Variants in COL1A1 observed in about 807,000 individuals in gnomAD.
COL1A1 encodes the protein collagen alpha-1(I) chain.
A neutral mutation model predicts 195.7 loss-of-function variants in COL1A1; 21 were observed. The observed-to-expected ratio is 0.11, with a 90% CI of 0.08 to 0.15. The LOEUF is 0.15. Ranked by LOEUF, COL1A1 falls within the 10% of genes least tolerant of loss-of-function variation. The pLI, the probability that COL1A1 is intolerant of heterozygous loss-of-function variation, is 1.00. For synonymous variants in COL1A1, 749 were observed against 747.3 expected (o/e 1.00, Z -0.04); for missense variants, 1,365 against 2,051.0 (o/e 0.67, Z 6.46).
rs1907673695 is a variant in COL1A1 at position 50,197,219 on chromosome 17, T to C, written c.711A>G (p.Lys237=). 2 of 1,612,626 alleles carry C rather than the reference T, an allele frequency of 1.2e-6. No homozygotes were observed. Among genetic ancestry groups the C allele is most frequent in the African/African-American group, 2.7e-5 (2 of 74,754 alleles). Residue 237 remains lysine (K), a synonymous_variant, in exon 10 of 51, where the codon AAA becomes AAG. Transcript: ENST00000225964. ...GKNGDDGEAG[K]PGRPGERGPP... ...GCCCACGCTCACCAGGACGACCAGG[T>C]TTTCCAGCTTCCCCCTGAGAGGGAG...
Position 50,199,317 on chromosome 17 carries a change from C to T in COL1A1, c.380G>A (p.Gly127Asp). 1.3e-6 allele frequency: 2 copies of T among 1,552,166 alleles called. No individual in the cohort carries two copies. Among genetic ancestry groups the T allele is most frequent in the Non-Finnish European group, 1.7e-6 (2 of 1,147,464 alleles). The change falls in exon 5 of 51, where the codon GGC (glycine) becomes GAC (aspartate). Residue 127 changes from glycine to aspartate, a missense_variant. By Grantham distance (94) the Gly-to-Asp change is moderately conservative. Transcript: ENST00000225964. ...TGPRGPRGPAGPPGRDGIPGQ... is the reference protein window; with the variant it reads ...TGPRGPRGPADPPGRDGIPGQ... ...AGGGATGCCATCTCGGCCAGGGGGG[C>T]CTGCGGGTCCCTGCAGGGGGAGAGG...
At chr17:50,192,068 C>G in intron 29 of COL1A1, 44 bp from the exon 30 acceptor site, 2 of 1,595,724 alleles carry the variant, frequency 1.3e-6, no homozygotes, top group Non-Finnish European at 1.7e-6. Context: ...CAAAACCCAC[C>G]TGGGGCCACT....
chr17:50,193,354 C>G, intron 25 of COL1A1: 1 of 505,108 alleles, frequency 2.0e-6, no homozygotes, highest in Non-Finnish European at 3.6e-6. Flanking sequence ...ACTGGGGGTG[C>G]CTATCATATC....
chr17:50,190,415 T>C lies in COL1A1; in HGVS notation c.2398-35A>G. 6.3e-7 allele frequency: 1 copy of C among 1,598,202 alleles called. No homozygotes were observed. Among genetic ancestry groups the C allele is most frequent in the Non-Finnish European group, 8.6e-7 (1 of 1,166,524 alleles). On this transcript the variant is annotated intron_variant, in intron 34 of 50. Transcript: ENST00000225964. The surrounding 1 kb of genome is among the most constrained non-coding windows in gnomAD (Gnocchi z 4.7). ...AAGGAGTCAGATTGGAGAGATGCGCTGACAGGAGGGAAGGCGGGGATGCGG... is the reference window on the plus strand; with the variant it reads ...AAGGAGTCAGATTGGAGAGATGCGCCGACAGGAGGGAAGGCGGGGATGCGG...
intron 25 of COL1A1, 25 bp downstream of exon 25, chr17:50,193,918 T>G (rs1253577421): frequency 3.1e-6 from 5 of 1,605,484 alleles, no homozygotes; most frequent in Non-Finnish European, 4.3e-6. Flanking sequence ...CCCTGGCTCT[T>G]CATGGATCCT....
At chr17:50,200,973 C>G (rs1173901086) in intron 1 of COL1A1, among the ~76,000 whole-genome samples, 1 of 152,248 alleles carries the variant, frequency 6.6e-6, no homozygotes, top group African/African-American at 2.4e-5. Flanking sequence ...CGCGGCTGCC[C>G]AGCACCCCCA....
In COL1A1 at chr17:50,194,033, G is replaced by A. The variant is rs755073295; in HGVS notation, c.1677C>T (p.Ala559=). ...GGGGTCCGGGGCGACCATCTTGACC[G>A]GCGGGACCCTAAGGATGGGAGGCAC... ...PDGKTGPPGP[A]GQDGRPGPPG... The change falls in exon 25 of 51, where the codon GCC becomes GCT. Residue 559 remains alanine, a synonymous_variant. Coordinates refer to ENST00000225964, the MANE Select transcript of COL1A1 (RefSeq NM_000088.4). This position sits in a 1 kb window ranked among gnomAD's most constrained non-coding sequence, Gnocchi z 6.8. The A allele has an allele frequency of 1.2e-5, 20 of 1,613,782 alleles. No homozygotes were observed. Among genetic ancestry groups the A allele is most frequent in the African/African-American group, 2.7e-5 (2 of 74,856 alleles).
In COL1A1 at chr17:50,195,554, CG is replaced by C. The variant is rs368754268; in HGVS notation, c.1155+12del. On this transcript the variant is annotated intron_variant, in intron 17 of 50. Coordinates refer to ENST00000225964, the MANE Select transcript of COL1A1 (RefSeq NM_000088.4). The surrounding 1 kb of genome is among the most constrained non-coding windows in gnomAD (Gnocchi z 4.3). ...GAAAGTGGCAAAGGGGACACTGAGT[CG>C]GGGACACTTACAGCAGGGCCAGCAG... 1.5e-5 allele frequency: 25 copies of C among 1,613,982 alleles called. No homozygotes were observed. The African/African-American group carries it at 3.1e-4, about 20-fold the overall frequency.
At position 50,184,192 on chromosome 17, in the gene COL1A1, T is replaced by C. The variant is rs1349817958; in HGVS notation, c.*1310A>G. On this transcript the variant is annotated 3_prime_UTR_variant, in exon 51 of 51. Coordinates refer to ENST00000225964, the MANE Select transcript of COL1A1 (RefSeq NM_000088.4). ...CACATACAAAATAGGTACAGAGTCT[T>C]TTGCTTCCTCCCACCCCTAGGGGGA... 1 of 227,230 alleles carries C rather than the reference T, an allele frequency of 4.4e-6. No individual in the cohort carries two copies. Among genetic ancestry groups the C allele is most frequent in the African/African-American group, 2.2e-5 (1 of 44,960 alleles). The allele number at this position is 227,230 out of a possible 1,614,324, so 14.1% of individuals were successfully genotyped here.
rs754077452 is a variant in COL1A1 at position 50,189,701 on chromosome 17, C to T, written c.2645G>A (p.Arg882Gln). 1.3e-5 allele frequency: 21 copies of T among 1,613,776 alleles called. No homozygotes were observed. The highest frequency in any genetic ancestry group is 1.7e-5 in the Admixed American group (1 of 59,976). The change falls in exon 38 of 51, where the codon CGA becomes CAA. Residue 882 changes from arginine (R) to glutamine (Q), a missense_variant. By Grantham distance (43) the Arg-to-Gln change is conservative. Transcript: ENST00000225964. This position sits in a 1 kb window ranked among gnomAD's most constrained non-coding sequence, Gnocchi z 5.5. Reference protein sequence around the residue: ...GATGFPGAAGRVGPPGPSGNA... With the variant: ...GATGFPGAAGQVGPPGPSGNA... Reference sequence around the variant, plus strand: ...TACAGAGGGGCCAGGAGGACCGACTCGGCCAGCAGCACCAGGGAAACCAGT... The same window carrying T: ...TACAGAGGGGCCAGGAGGACCGACTTGGCCAGCAGCACCAGGGAAACCAGT...
In COL1A1 at chr17:50,185,084, G is replaced by A; in HGVS notation, c.*418C>T. The stretch of plus-strand genomic sequence containing the variant: ...ATACATTGTTTCCTGTGTCTTCTGG[G>A]GAGACAGATTTGGGAAGGAGTGGAG... On this transcript the variant is annotated 3_prime_UTR_variant, in exon 51 of 51. Coordinates refer to ENST00000225964, the MANE Select transcript of COL1A1 (RefSeq NM_000088.4). The A allele has an allele frequency of 7.4e-6, 2 of 271,272 alleles. No individual in the cohort carries two copies. The highest frequency in any genetic ancestry group is 1.4e-5 in the Non-Finnish European group (2 of 142,038). The allele number at this position is 271,272 out of a possible 1,614,324, so 16.8% of individuals were successfully genotyped here.
chr17:50,186,614 A>G lies in COL1A1; in HGVS notation c.3814+26T>C, dbSNP rs553175744. On this transcript the variant is annotated intron_variant, in intron 48 of 50. Transcript: ENST00000225964. The surrounding 1 kb of genome is among the most constrained non-coding windows in gnomAD (Gnocchi z 5.3). The stretch of plus-strand genomic sequence containing the variant: ...CCCTGGCATGGCAGGAGTAGGAGGG[A>G]GGGAGAGGCTAGGGCAGGCCCTCAC... 1.4e-5 allele frequency: 22 copies of G among 1,613,190 alleles called. No individual in the cohort carries two copies. Among genetic ancestry groups the G allele is most frequent in the Non-Finnish European group, 1.8e-5 (21 of 1,179,932 alleles).
In COL1A1 at chr17:50,185,843, CGTT is replaced by C. The variant is rs1906460104; in HGVS notation, c.4180_4182del (p.Asn1394del). On this transcript the variant is annotated inframe_deletion, in exon 50 of 51. Transcript: ENST00000225964. ...TTGCCCTCGGCGCGGATCTCGATCTCGTTGGAGCCCTGGAGGAGCAGGGCCTTC... is the reference window on the plus strand; with the variant it reads ...TTGCCCTCGGCGCGGATCTCGATCTCGGAGCCCTGGAGGAGCAGGGCCTTC... 2 of 1,614,026 alleles carry C rather than the reference CGTT, an allele frequency of 1.2e-6. No homozygotes were observed. Among genetic ancestry groups the C allele is most frequent in the Non-Finnish European group, 1.7e-6 (2 of 1,180,038 alleles).
In COL1A1 at chr17:50,194,197, G is replaced by A. The variant is rs190098788; in HGVS notation, c.1615-14C>T. On this transcript the variant is annotated splice_polypyrimidine_tract_variant and intron_variant, in intron 23 of 50. Coordinates refer to ENST00000225964, the MANE Select transcript of COL1A1 (RefSeq NM_000088.4). The surrounding 1 kb of genome is among the most constrained non-coding windows in gnomAD (Gnocchi z 6.8). The stretch of plus-strand genomic sequence containing the variant: ...TCCAGTCAGACCCTAGGGAGGCAGA[G>A]AGGTATGAGTGGGACTTGGGGAGAA... 163 of 1,613,368 alleles carry A rather than the reference G, an allele frequency of 1.0e-4. No homozygotes were observed. The East Asian group carries it at 3.6e-3, about 35-fold the overall frequency.
Position 50,189,434 on chromosome 17 carries a change from G to A in COL1A1, c.2772C>T (p.Pro924=), listed in dbSNP as rs762864567. Residue 924 remains proline, a synonymous_variant, in exon 39 of 51, where the codon CCC becomes CCT. Transcript: ENST00000225964. The surrounding 1 kb of genome is among the most constrained non-coding windows in gnomAD (Gnocchi z 5.5). The part of the protein sequence containing the change: ...GPAGRPGEVG[P]PGPPGPAGEK... ...CGCCAGCAGGGCCAGGGGGACCAGG[G>A]GGACCAACTTCACCAGGACGTCCAG... 2 of 1,612,790 alleles carry A rather than the reference G, an allele frequency of 1.2e-6. No individual in the cohort carries two copies. Among genetic ancestry groups the A allele is most frequent in the East Asian group, 4.5e-5 (2 of 44,814 alleles).
intron 29 of COL1A1, 170 bp from the exon 30 acceptor site, chr17:50,192,194 T>C: frequency 1.3e-6 from 1 of 786,734 alleles, no homozygotes; most frequent in Non-Finnish European, 2.0e-6. Flanking sequence ...TAGGGATGTG[T>C]CAAAGGCTTC....
Position 50,188,539 on chromosome 17 carries a change from A to T in COL1A1, c.3198T>A (p.Arg1066=). 1 of 1,614,006 alleles carries T rather than the reference A, an allele frequency of 6.2e-7. No homozygotes were observed. Among genetic ancestry groups the T allele is most frequent in the Non-Finnish European group, 8.5e-7 (1 of 1,179,970 alleles). ...GAGCCCAGCTACTTACAGTCTCACC[A>T]CGATCACCACTCTTGCCAGCAGGGC... is the stretch of plus-strand genomic sequence containing the variant. ...PVGPAGKSGD[R]GETGPAGPAG... is the part of the protein sequence containing the mutation. Residue 1066 remains arginine (R), a synonymous_variant, in exon 43 of 51, where the codon CGT becomes CGA. Coordinates refer to ENST00000225964, the MANE Select transcript of COL1A1 (RefSeq NM_000088.4). The surrounding 1 kb of genome is among the most constrained non-coding windows in gnomAD (Gnocchi z 5.6).
At chr17:50,191,660 C>T (rs2075556) in intron 31 of COL1A1, 128 bp downstream of exon 31, 2 of 1,178,836 alleles carry the variant, frequency 1.7e-6, no homozygotes, top group Non-Finnish European at 2.5e-6. Context: ...GGCCCCTGCC[C>T]TGGTCTTTTC....
Position 50,194,796 on chromosome 17 carries a change from A to G in COL1A1, c.1386T>C (p.Pro462=). The G allele has an allele frequency of 6.4e-7, 1 of 1,571,982 alleles. No individual in the cohort carries two copies. The highest frequency in any genetic ancestry group is 8.6e-7 in the Non-Finnish European group (1 of 1,157,820). The change falls in exon 21 of 51, where the codon CCT becomes CCC. Residue 462 remains proline, a synonymous_variant. Coordinates refer to ENST00000225964, the MANE Select transcript of COL1A1 (RefSeq NM_000088.4). This position sits in a 1 kb window ranked among gnomAD's most constrained non-coding sequence, Gnocchi z 6.8. ...GPVGVQGPPG[P]AGEEGKRGAR... The stretch of plus-strand genomic sequence containing the variant: ...CTCCTCGCTTTCCTTCCTCTCCAGC[A>G]GGGCCAGGGGGTCCTTGAACACCAA...
Sources: allele counts gnomAD v4.1 joint callset (sites outside exome capture counted in the v4.1 genomes callset), GRCh38; gene constraint gnomAD v4.1.1; non-coding constraint Gnocchi (gnomAD v3.1); transcripts MANE v1.5; gene names NCBI Gene and HGNC (gene_info 2026-07-23, HGNC 2026-07-21).